The following PLEKHM3 variants were observed in gnomAD, a reference collection of about 807,000 sequenced individuals.
PLEKHM3 encodes pleckstrin homology domain-containing family M member 3.
In PLEKHM3, 45 loss-of-function variants were observed where a neutral mutation model predicts 81.8. That is an observed-to-expected ratio of 0.55 (90% CI 0.43 to 0.71). The LOEUF is 0.71. Ranked by LOEUF, PLEKHM3 falls within the 30% of genes least tolerant of loss-of-function variation. The pLI, the probability that PLEKHM3 is intolerant of heterozygous loss-of-function variation, is 0.00. For missense variants in PLEKHM3, 788 were observed against 924.3 expected, an observed-to-expected ratio of 0.85 and a Z score of 1.91; for synonymous variants, 352 against 356.4, an observed-to-expected ratio of 0.99 and a Z score of 0.14.
At position 207,821,683 on chromosome 2, in the gene PLEKHM3, C is replaced by T. The variant is rs930781189; in HGVS notation, c.*6636G>A. ...AGTTTTGCAGAAGTTTTTTACATCA[C>T]CACGTTCAATACTCTCCATTTGCAA... On this transcript the variant is annotated 3_prime_UTR_variant, in exon 8 of 8. Transcript: ENST00000427836. The T allele has an allele frequency of 3.9e-5, 6 of 152,012 alleles. No homozygotes were observed. Among genetic ancestry groups the T allele is most frequent in the African/African-American group, 1.2e-4 (5 of 41,380 alleles). 9.4% of individuals were successfully genotyped at this position (152,012 alleles called of 1,614,324 possible).
chr2:208,019,116 A>T (rs1693031265), intron 1 of PLEKHM3, among the ~76,000 whole-genome samples: 1 of 150,652 alleles, frequency 6.6e-6, no homozygotes, highest in Admixed American at 6.7e-5. Context: ...CCTGAGCAAC[A>T]TAGTGAGACC....
intron 2 of PLEKHM3, among the ~76,000 whole-genome samples, chr2:207,983,203 C>T (rs903326619): frequency 2.0e-5 from 3 of 152,124 alleles, no homozygotes; most frequent in African/African-American, 7.2e-5. Context: ...AGGCACCAGC[C>T]ACCACGCCCA....
intron 3 of PLEKHM3, among the ~76,000 whole-genome samples, chr2:207,970,472 T>C (rs1481277923): frequency 2.6e-5 from 4 of 152,176 alleles, no homozygotes; most frequent in African/African-American, 9.7e-5. Flanking sequence ...TTAATCACTT[T>C]TGCTAAATAA....
chr2:207,909,410 C>T (rs2105902727), intron 5 of PLEKHM3, among the ~76,000 whole-genome samples: 1 of 152,244 alleles, frequency 6.6e-6, no homozygotes, highest in East Asian at 1.9e-4. Context: ...TGGTACTATG[C>T]AATTTTCTTG....
At chr2:207,924,367 T>C (rs1444977255) in intron 5 of PLEKHM3, among the ~76,000 whole-genome samples, 1 of 152,002 alleles carries the variant, frequency 6.6e-6, no homozygotes, top group Non-Finnish European at 1.5e-5. Flanking sequence ...GGACCATGAC[T>C]CTCTCCCTGC....
chr2:207,916,136 C>T (rs1205992523), intron 5 of PLEKHM3, among the ~76,000 whole-genome samples: 1 of 152,136 alleles, frequency 6.6e-6, no homozygotes, highest in Non-Finnish European at 1.5e-5. Context: ...CCTCATTTTG[C>T]AAATCTCATT....
At chr2:207,900,552 T>C (rs1688388815) in intron 6 of PLEKHM3, 1 of 152,164 alleles carries the variant, frequency 6.6e-6, no homozygotes, top group African/African-American at 2.4e-5. Context: ...TTTTGCAAAA[T>C]ACAATCTGCC....
chr2:207,988,560 T>C (rs1443151596), intron 2 of PLEKHM3, among the ~76,000 whole-genome samples: 4 of 152,222 alleles, frequency 2.6e-5, no homozygotes, highest in Non-Finnish European at 1.5e-5. Context: ...CTTCCACCTC[T>C]ACTCTGTTAA....
rs554458407 is a variant in PLEKHM3 at position 207,843,091 on chromosome 2, C to T, written c.2109-14595G>A. 1.4e-4 allele frequency among the ~76,000 whole-genome samples: 21 copies of T among 152,240 alleles called. No individual in the cohort carries two copies. Among genetic ancestry groups the T allele is most frequent in the Middle Eastern group, 3.4e-3 (1 of 294 alleles). On this transcript the variant is annotated intron_variant, in intron 7 of 7. Coordinates refer to ENST00000427836, the MANE Select transcript of PLEKHM3 (RefSeq NM_001080475.3). The surrounding 1 kb of genome is among the most constrained non-coding windows in gnomAD (Gnocchi z 4.4). ...ACAGCTACCAGTGTAGCTAAAGCTA[C>T]GGGTGCACACCACCATAGCTGGCTC...
intron 4 of PLEKHM3, among the ~76,000 whole-genome samples, chr2:207,941,921 T>C (rs1056439429): frequency 1.3e-5 from 2 of 152,144 alleles, no homozygotes; most frequent in African/African-American, 4.8e-5. Flanking sequence ...TGAGATATCA[T>C]CTTACTCCAG....
chr2:207,924,225 G>A (rs1475698281), intron 5 of PLEKHM3, among the ~76,000 whole-genome samples: 1 of 151,658 alleles, frequency 6.6e-6, no homozygotes, highest in Non-Finnish European at 1.5e-5. Flanking sequence ...TATTTTTCAG[G>A]GAAAAAATAA....
intron 1 of PLEKHM3, among the ~76,000 whole-genome samples, chr2:208,010,952 A>G (rs963109015): frequency 6.6e-6 from 1 of 152,136 alleles, no homozygotes; most frequent in Admixed American, 6.6e-5. Flanking sequence ...AGTGCTTGAT[A>G]ACAAATGGCC....
chr2:207,956,718 A>ATTTTTTTTTTTTTTTTTT (rs1170073686), intron 3 of PLEKHM3, among the ~76,000 whole-genome samples: 1 of 69,108 alleles, frequency 1.4e-5, no homozygotes. Flanking sequence ...GCTGATTAAA[A>ATTTTTTTTTTTTTTTTTT]TTTTTTTTTT....
chr2:207,970,171 T>C (rs1182219180), intron 3 of PLEKHM3, among the ~76,000 whole-genome samples: 1 of 151,700 alleles, frequency 6.6e-6, no homozygotes, highest in East Asian at 1.9e-4. Flanking sequence ...TGAAAAGCTT[T>C]GGGGGAAAAA....
intron 1 of PLEKHM3, among the ~76,000 whole-genome samples, chr2:208,024,385 C>A (rs1693243062): frequency 6.6e-6 from 1 of 152,048 alleles, no homozygotes; most frequent in African/African-American, 2.4e-5. Flanking sequence ...AAAAACTCAT[C>A]AGGAATTAGT....
At chr2:207,953,069 A>C (rs1045505574) in intron 3 of PLEKHM3, among the ~76,000 whole-genome samples, 3 of 152,258 alleles carry the variant, frequency 2.0e-5, no homozygotes, top group African/African-American at 7.2e-5. Flanking sequence ...GTTACAAAGC[A>C]AATAGTATCC....
At chr2:207,896,357 A>G (rs1688221424) in intron 6 of PLEKHM3, among the ~76,000 whole-genome samples, 1 of 129,124 alleles carries the variant, frequency 7.7e-6, no homozygotes, top group Non-Finnish European at 1.8e-5. Context: ...ACTGTATGAA[A>G]TTGTCATCTA....
intron 3 of PLEKHM3, among the ~76,000 whole-genome samples, chr2:207,958,307 T>A (rs935433920): frequency 1.3e-5 from 2 of 152,004 alleles, no homozygotes; most frequent in Non-Finnish European, 2.9e-5. Context: ...CTTCACAAAT[T>A]AATCTTGGTG....
intron 3 of PLEKHM3, among the ~76,000 whole-genome samples, chr2:207,947,910 T>C (rs752369411): frequency 2.0e-5 from 3 of 152,184 alleles, no homozygotes; most frequent in African/African-American, 7.2e-5. Flanking sequence ...ACAAATACAA[T>C]GGCATCAGTA....
Sources: gnomAD v4.1 joint callset for allele counts (sites outside exome capture counted in the v4.1 genomes callset) on GRCh38, gnomAD v4.1.1 for gene constraint, Gnocchi (gnomAD v3.1) non-coding constraint, MANE v1.5 for transcripts, NCBI Gene and HGNC (gene_info 2026-07-23, HGNC 2026-07-21) for gene names.